COL11A1: variants seen among roughly 807,000 people sequenced by gnomAD.
COL11A1 encodes collagen type XI alpha 1 chain.
A neutral mutation model predicts 265.2 loss-of-function variants in COL11A1; 74 were observed. The ratio of observed to expected loss-of-function variants is 0.28; its 90% CI spans 0.23 to 0.34. The LOEUF (loss-of-function observed/expected upper bound fraction) is 0.34. Ranked by LOEUF, COL11A1 falls within the 10% of genes least tolerant of loss-of-function variation. The pLI, the probability that COL11A1 is intolerant of heterozygous loss-of-function variation, is 1.00. For synonymous variants in COL11A1, 816 were observed against 727.6 expected (o/e 1.12, Z -1.96); for missense variants, 2,165 against 2,263.6 (o/e 0.96, Z 0.88).
At chr1:102,964,583 T>TA in intron 38 of COL11A1, among the ~76,000 whole-genome samples, 1 of 98,856 alleles carries the variant, frequency 1.0e-5, no homozygotes, top group Non-Finnish European at 2.2e-5. Flanking sequence ...GTTGTTTCTC[T>TA]AGGGGTGTGT....
chr1:102,950,896 A>G lies in COL11A1; in HGVS notation c.3169-3940T>C, dbSNP rs147776615. 1.2e-4 allele frequency among the ~76,000 whole-genome samples: 18 copies of G among 152,248 alleles called. No homozygotes were observed. The East Asian group carries it at 3.3e-3, about 28-fold the overall frequency. On this transcript the variant is annotated intron_variant, in intron 41 of 66. Transcript: ENST00000370096. ...GTTTCCCCCATGCTGTTCTCCTGAC[A>G]ATGAGTGAGTTCTTATGGGATCTGA...
chr1:102,880,958 G>A (rs1650165862), intron 65 of COL11A1, among the ~76,000 whole-genome samples: 1 of 151,930 alleles, frequency 6.6e-6, no homozygotes. Context: ...CTGTAATAGA[G>A]AATTATAACT....
intron 4 of COL11A1, among the ~76,000 whole-genome samples, chr1:103,061,299 C>A (rs1031790835): frequency 6.6e-6 from 1 of 152,074 alleles, no homozygotes; most frequent in Non-Finnish European, 1.5e-5. Flanking sequence ...TCCACTATTA[C>A]ATTTAAATGG....
intron 1 of COL11A1, among the ~76,000 whole-genome samples, chr1:103,083,780 G>A (rs146822017): frequency 2.0e-5 from 3 of 152,256 alleles, no homozygotes; most frequent in Non-Finnish European, 2.9e-5. Context: ...TAGGCTGAAA[G>A]TCCCTGGAGA....
chr1:103,078,903 T>C (rs1428726127), intron 2 of COL11A1, 32 bp from the exon 3 acceptor site: 1 of 1,423,872 alleles, frequency 7.0e-7, no homozygotes, highest in Admixed American at 1.9e-5. Flanking sequence ...GTTAGAAATT[T>C]CCAATTTCCA....
rs775444430 is a variant in COL11A1 at position 103,074,696 on chromosome 1, A to G, written c.573T>C (p.Asp191=). The part of the protein sequence containing the change: ...DCKKKTTKPL[D]RSERAIVDTN... ...TATCAACAATTGCTCTCTCACTTCT[A>G]TCAAGTGGTTTCGTGGTTTTCTTCT... Residue 191 remains aspartate, a synonymous_variant, in exon 4 of 67, where the codon GAT becomes GAC. Coordinates refer to ENST00000370096, the MANE Select transcript of COL11A1 (RefSeq NM_001854.4). The G allele has an allele frequency of 4.3e-6, 7 of 1,613,404 alleles. No homozygotes were observed. The highest frequency in any genetic ancestry group is 5.9e-6 in the Non-Finnish European group (7 of 1,179,630).
At chr1:103,101,090 G>A (rs1674227382) in intron 1 of COL11A1, among the ~76,000 whole-genome samples, 2 of 152,014 alleles carry the variant, frequency 1.3e-5, no homozygotes, top group East Asian at 1.9e-4. Flanking sequence ...AAGAGAATGA[G>A]ATAGACATTC....
intron 11 of COL11A1, among the ~76,000 whole-genome samples, chr1:103,016,982 T>TA (rs1196487931): frequency 1.3e-5 from 2 of 151,860 alleles, no homozygotes; most frequent in Non-Finnish European, 2.9e-5. Context: ...TTACAGAATA[T>TA]AAAAAGGTCT....
intron 24 of COL11A1, 43 bp from the exon 25 acceptor site, chr1:102,998,406 TA>T (rs1224090272): frequency 3.5e-6 from 5 of 1,413,752 alleles, no homozygotes; most frequent in Admixed American, 4.5e-5. Flanking sequence ...AAAATAATTT[TA>T]AAAAGCTTTA....
intron 41 of COL11A1, chr1:102,961,620 G>A (rs899060956): frequency 1.9e-5 from 8 of 424,114 alleles, no homozygotes; most frequent in Non-Finnish European, 2.6e-5. Context: ...CTTGGGAACC[G>A]TAAGAAGCAA....
intron 37 of COL11A1, among the ~76,000 whole-genome samples, chr1:102,969,892 A>G (rs1661791121): frequency 6.6e-6 from 1 of 152,128 alleles, no homozygotes. Context: ...ATCTATAAAC[A>G]GTCTTCAGTG....
rs773717641 is a variant in COL11A1 at position 102,978,927 on chromosome 1, C to T, written c.2656-14G>A. ...ACCTCGAGGACCCTGCAGATGAGAA[C>T]AAAAGATGAACCCAAACTAATGCCA... is the stretch of plus-strand genomic sequence containing the variant. On this transcript the variant is annotated splice_polypyrimidine_tract_variant and intron_variant, in intron 33 of 66. Transcript: ENST00000370096. The T allele has an allele frequency of 1.2e-6, 2 of 1,614,134 alleles. No individual in the cohort carries two copies. Among genetic ancestry groups the T allele is most frequent in the South Asian group, 1.1e-5 (1 of 91,082 alleles).
At chr1:103,070,081 A>C (rs1000047526) in intron 4 of COL11A1, among the ~76,000 whole-genome samples, 1 of 151,684 alleles carries the variant, frequency 6.6e-6, no homozygotes, top group African/African-American at 2.4e-5. Context: ...AAACAAACCA[A>C]AATGTAGACA....
At chr1:102,914,511 G>A (rs1570713520) in intron 51 of COL11A1, 106 bp from the exon 52 acceptor site, 8 of 1,171,322 alleles carry the variant, frequency 6.8e-6, no homozygotes, top group Middle Eastern at 2.8e-4. Flanking sequence ...AACCTGCTGA[G>A]AATATTTCTC....
In COL11A1 at chr1:103,084,280, T is replaced by C. The variant is rs915448485; in HGVS notation, c.107-1308A>G. Among the ~76,000 whole-genome samples, 7 of 152,280 alleles carry C rather than the reference T, an allele frequency of 4.6e-5. No individual in the cohort carries two copies. In the South Asian group the frequency reaches 1.0e-3, roughly 23 times the overall value. On this transcript the variant is annotated intron_variant, in intron 1 of 66. Coordinates refer to ENST00000370096, the MANE Select transcript of COL11A1 (RefSeq NM_001854.4). ...TCCTACCCCCTGACAACCTCTTATATACTTTCTGTCTCTAGTTACTCATTC... is the reference window on the plus strand; with the variant it reads ...TCCTACCCCCTGACAACCTCTTATACACTTTCTGTCTCTAGTTACTCATTC...
intron 41 of COL11A1, among the ~76,000 whole-genome samples, chr1:102,958,657 A>C (rs1027311899): frequency 2.0e-5 from 3 of 152,192 alleles, no homozygotes; most frequent in African/African-American, 7.2e-5. Context: ...CTTTTCCAAC[A>C]ACTTTAAGGA....
intron 54 of COL11A1, among the ~76,000 whole-genome samples, chr1:102,904,419 C>T (rs1653634088): frequency 6.6e-6 from 1 of 152,000 alleles, no homozygotes; most frequent in Admixed American, 6.6e-5. Flanking sequence ...AAAGAAACTA[C>T]CATCAGAGTG....
chr1:103,093,211 C>G lies in COL11A1; in HGVS notation c.107-10239G>C, dbSNP rs553692561. 5.3e-5 allele frequency among the ~76,000 whole-genome samples: 8 copies of G among 152,020 alleles called. No individual in the cohort carries two copies. The South Asian group carries it at 1.7e-3, about 32-fold the overall frequency. ...GAAGTCATTATATGACAACTTAAAG[C>G]AAAAGCAAGGTGAAGAATCTAAAGC... On this transcript the variant is annotated intron_variant, in intron 1 of 66. Transcript: ENST00000370096.
Position 102,961,913 on chromosome 1 carries a change from G to C in COL11A1, c.3121C>G (p.Pro1041Ala). ...GGACCTTCCCCTCCTTTCAGTCCAG[G>C]TGCACCCTGGGAAAAGTGAAAAAAA... ...ERGLPGAQGA[P>A]GLKGGEGPQG... The change falls in exon 41 of 67, where the codon CCT (proline) becomes GCT (alanine). Residue 1041 changes from proline (P) to alanine (A), a missense_variant. By Grantham distance (27) the Pro-to-Ala change is conservative. Coordinates refer to ENST00000370096, the MANE Select transcript of COL11A1 (RefSeq NM_001854.4). 6.2e-7 allele frequency: 1 copy of C among 1,612,836 alleles called. No homozygotes were observed. Among genetic ancestry groups the C allele is most frequent in the Admixed American group, 1.7e-5 (1 of 59,862 alleles).
Sources: allele counts gnomAD v4.1 joint callset (sites outside exome capture counted in the v4.1 genomes callset), GRCh38; gene constraint gnomAD v4.1.1; transcripts MANE v1.5; gene names NCBI Gene and HGNC (gene_info 2026-07-23, HGNC 2026-07-21).